The following ACYP2 variants were observed in gnomAD, a reference collection of about 807,000 sequenced individuals.
ACYP2 encodes the protein acylphosphatase 2.
In ACYP2, 12 loss-of-function variants were observed where a neutral mutation model predicts 11.2. The ratio of observed to expected loss-of-function variants is 1.08; its 90% CI spans 0.69 to 1.74. The LOEUF is 1.74. Among genes scored for constraint, ACYP2 ranks in the 40% most tolerant of loss-of-function variants. ACYP2 has a pLI of 0.00. For synonymous variants in ACYP2, 43 were observed against 32.2 expected, an observed-to-expected ratio of 1.33 and a Z score of -1.13; for missense variants, 134 against 101.9, an observed-to-expected ratio of 1.31 and a Z score of -1.35.
chr2:53,975,082 T>C (rs1194132294), intron 2 of ACYP2, among the ~76,000 whole-genome samples: 1 of 151,962 alleles, frequency 6.6e-6, no homozygotes, highest in Non-Finnish European at 1.5e-5. Context: ...AAAATTAGCC[T>C]GGCATGGTGG....
intron 6 of ACYP2, among the ~76,000 whole-genome samples, chr2:54,199,782 C>A (rs1684681473): frequency 6.6e-6 from 1 of 152,208 alleles, no homozygotes. Context: ...GCCAGGATTT[C>A]AACCCAGGCA....
chr2:54,144,337 T>C (rs1681783424), intron 6 of ACYP2, among the ~76,000 whole-genome samples: 1 of 152,122 alleles, frequency 6.6e-6, no homozygotes, highest in Non-Finnish European at 1.5e-5. Context: ...TAGGAAATTA[T>C]CCAATTTTTC....
intron 4 of ACYP2, among the ~76,000 whole-genome samples, chr2:54,087,431 T>C (rs1677999860): frequency 6.6e-6 from 1 of 152,152 alleles, no homozygotes; most frequent in Non-Finnish European, 1.5e-5. Flanking sequence ...CTCTGCAGCC[T>C]TGATCTCCCC....
chr2:53,983,902 G>C (rs979445835), intron 2 of ACYP2, among the ~76,000 whole-genome samples: 21 of 152,260 alleles, frequency 1.4e-4, no homozygotes, highest in Admixed American at 1.2e-3. Flanking sequence ...CACAGAAAAT[G>C]TATATCATGG....
At chr2:54,276,619 TCACACACACACACACACACA>T (rs3071186) in intron 6 of ACYP2, among the ~76,000 whole-genome samples, 20 of 146,184 alleles carry the variant, frequency 1.4e-4, no homozygotes, top group East Asian at 6.0e-4. Context: ...GATTGTTCTT[TCACACACACACACACACACA>T]CACACACACA....
intron 6 of ACYP2, among the ~76,000 whole-genome samples, chr2:54,224,407 G>A (rs1685922141): frequency 6.6e-6 from 1 of 152,234 alleles, no homozygotes; most frequent in Admixed American, 6.5e-5. Context: ...CCCAAAGGTG[G>A]GAATGTCCCC....
chr2:54,035,265 C>CTTTTTT (rs895749612), intron 2 of ACYP2, among the ~76,000 whole-genome samples: 227 of 125,972 alleles, frequency 1.8e-3, no homozygotes, highest in Non-Finnish European at 2.6e-3. Flanking sequence ...TTTTCTTTTT[C>CTTTTTT]TTTTTTTTTT....
At chr2:54,225,550 C>G (rs1471611664) in intron 6 of ACYP2, among the ~76,000 whole-genome samples, 1 of 152,110 alleles carries the variant, frequency 6.6e-6, no homozygotes, top group South Asian at 2.1e-4. Flanking sequence ...ACATTATTGT[C>G]ACGATGAAGT....
At chr2:54,101,439 G>A (rs1370892805) in intron 4 of ACYP2, among the ~76,000 whole-genome samples, 5 of 152,110 alleles carry the variant, frequency 3.3e-5, no homozygotes, top group Admixed American at 2.0e-4. Flanking sequence ...GGGAGGCTGA[G>A]GTGAGCAGAT....
intron 6 of ACYP2, among the ~76,000 whole-genome samples, chr2:54,143,720 C>G (rs1224556380): frequency 7.2e-6 from 1 of 138,224 alleles, no homozygotes; most frequent in African/African-American, 2.8e-5. Context: ...GCATGAGCCA[C>G]CATACCCAGC....
intron 6 of ACYP2, among the ~76,000 whole-genome samples, chr2:54,140,274 C>A (rs992855652): frequency 1.3e-4 from 20 of 151,686 alleles, no homozygotes; most frequent in Admixed American, 5.9e-4. Context: ...TTCGAGGGAG[C>A]CTAGAAAAAA....
Position 53,973,705 on chromosome 2 carries a change from T to C in ACYP2, c.-36-8T>C. ...AATCCCAACACCCTTTGCTGACTCC[T>C]TTTTCAGACTCAGCCTGCCTGCACC... is the stretch of plus-strand genomic sequence containing the variant. On this transcript the variant is annotated splice_region_variant and splice_polypyrimidine_tract_variant and intron_variant, in intron 1 of 6. Coordinates refer to ENST00000607452, the MANE Select transcript of ACYP2 (RefSeq NM_001320586.2). 6 of 279,422 alleles carry C rather than the reference T, an allele frequency of 2.1e-5. No homozygotes were observed. Among genetic ancestry groups the C allele is most frequent in the East Asian group, 5.7e-5 (1 of 17,412 alleles). The allele number at this position is 279,422 out of a possible 1,614,324, so 17.3% of individuals were successfully genotyped here.
intron 6 of ACYP2, among the ~76,000 whole-genome samples, chr2:54,158,168 G>A (rs1244654498): frequency 6.6e-6 from 1 of 150,832 alleles, no homozygotes; most frequent in Non-Finnish European, 1.5e-5. Flanking sequence ...TGGAATTACA[G>A]GCACCCACCA....
chr2:54,120,340 G>A (rs1390625519), intron 4 of ACYP2, among the ~76,000 whole-genome samples: 1 of 152,124 alleles, frequency 6.6e-6, no homozygotes, highest in Non-Finnish European at 1.5e-5. Context: ...GGTTTATAAT[G>A]TTTCTATAGA....
chr2:54,255,787 C>T (rs1005274715), intron 6 of ACYP2: 2 of 1,613,862 alleles, frequency 1.2e-6, no homozygotes, highest in East Asian at 4.5e-5. Context: ...CCCACCTAGG[C>T]CGTGCGTCTC....
chr2:54,055,172 G>T (rs1470825615), intron 3 of ACYP2, among the ~76,000 whole-genome samples: 1 of 152,042 alleles, frequency 6.6e-6, no homozygotes, highest in Non-Finnish European at 1.5e-5. Context: ...AAGTAGCTGG[G>T]ACTACAGGTG....
chr2:54,076,924 A>C lies in ACYP2; in HGVS notation c.277+19564A>C, dbSNP rs796489299. Among the ~76,000 whole-genome samples, 6 of 152,350 alleles carry C rather than the reference A, an allele frequency of 3.9e-5. 1 individual carries two copies. The highest frequency in any genetic ancestry group is 1.4e-4 in the African/African-American group (6 of 41,586). On this transcript the variant is annotated intron_variant, in intron 4 of 6. Transcript: ENST00000607452. ...CTATTTTTATAAATTATTTCTATTT[A>C]ACTGTAATCCTGAATCGGGTTTTCA...
At chr2:54,139,227 GT>G (rs377437360) in intron 6 of ACYP2, among the ~76,000 whole-genome samples, 97 of 152,312 alleles carry the variant, frequency 6.4e-4, no homozygotes, top group African/African-American at 2.1e-3. Flanking sequence ...CATTTGAAGT[GT>G]TGTGACAGAT....
intron 2 of ACYP2, among the ~76,000 whole-genome samples, chr2:54,013,495 T>C (rs548632569): frequency 5.9e-5 from 9 of 152,004 alleles, no homozygotes; most frequent in African/African-American, 2.2e-4. Flanking sequence ...AGACGCGGTT[T>C]CATCATGTTG....
Sources: allele counts gnomAD v4.1 joint callset (sites outside exome capture counted in the v4.1 genomes callset), GRCh38; gene constraint gnomAD v4.1.1; transcripts MANE v1.5; gene names NCBI Gene and HGNC (gene_info 2026-07-23, HGNC 2026-07-21).